The following ZDHHC14 variants were observed in gnomAD, a reference collection of about 807,000 sequenced individuals.
ZDHHC14 encodes palmitoyltransferase ZDHHC14.
In ZDHHC14, 16 loss-of-function variants were observed where a neutral mutation model predicts 47.7. That is an observed-to-expected ratio of 0.34 (90% confidence interval 0.23 to 0.51). The LOEUF (loss-of-function observed/expected upper bound fraction) is 0.51. Among genes scored for constraint, ZDHHC14 ranks in the 20% least tolerant of loss-of-function variants. The probability of loss-of-function intolerance (pLI) is 0.97; values close to 1 mark genes in which losing one functional copy is unlikely to be tolerated. For missense variants in ZDHHC14, 515 were observed against 662.5 expected (o/e 0.78, Z 2.44); for synonymous variants, 293 against 278.9 (o/e 1.05, Z -0.50).
intron 1 of ZDHHC14, among the ~76,000 whole-genome samples, chr6:157,488,529 C>T (rs150575786): frequency 0.035 from 5,263 of 152,278 alleles, 147 homozygotes; most frequent in Non-Finnish European, 0.055. Flanking sequence ...AGAGCATACC[C>T]TTTTTAGGGG....
At chr6:157,399,748 C>T (rs1777593012) in intron 1 of ZDHHC14, among the ~76,000 whole-genome samples, 4 of 152,252 alleles carry the variant, frequency 2.6e-5, no homozygotes, top group Admixed American at 2.6e-4. Flanking sequence ...CGTGATCTCA[C>T]CATTCTCCAT....
At chr6:157,521,649 G>T (rs1191422993) in intron 1 of ZDHHC14, among the ~76,000 whole-genome samples, 4 of 152,234 alleles carry the variant, frequency 2.6e-5, no homozygotes, top group Non-Finnish European at 5.9e-5. Flanking sequence ...TGAAGGTTCT[G>T]CTTCCTAATG....
chr6:157,478,741 T>A (rs1779548504), intron 1 of ZDHHC14, among the ~76,000 whole-genome samples: 1 of 152,250 alleles, frequency 6.6e-6, no homozygotes, highest in Non-Finnish European at 1.5e-5. Flanking sequence ...CATCTTTATA[T>A]CCCTAACACT....
At chr6:157,549,059 G>A (rs1201409323) in intron 2 of ZDHHC14, among the ~76,000 whole-genome samples, 3 of 152,210 alleles carry the variant, frequency 2.0e-5, no homozygotes, top group Non-Finnish European at 4.4e-5. Flanking sequence ...GGCCAGAGCT[G>A]GGAGTCCAAC....
At chr6:157,506,632 C>T (rs1338042116) in intron 1 of ZDHHC14, among the ~76,000 whole-genome samples, 2 of 152,188 alleles carry the variant, frequency 1.3e-5, no homozygotes, top group African/African-American at 2.4e-5. Flanking sequence ...TATTAATTTG[C>T]TTCTGCTGTT....
chr6:157,389,976 A>T (rs189545968), intron 1 of ZDHHC14, among the ~76,000 whole-genome samples: 54 of 152,244 alleles, frequency 3.5e-4, no homozygotes, highest in African/African-American at 1.2e-3. Context: ...TTTTAAATGG[A>T]CTTTTATATT....
intron 5 of ZDHHC14, among the ~76,000 whole-genome samples, chr6:157,635,326 C>T (rs1330924697): frequency 6.6e-6 from 1 of 152,184 alleles, no homozygotes; most frequent in Admixed American, 6.5e-5. Flanking sequence ...CCTGACAGAC[C>T]TCCCAAGTCA....
At chr6:157,554,379 AG>A (rs1400154548) in intron 2 of ZDHHC14, among the ~76,000 whole-genome samples, 11 of 152,282 alleles carry the variant, frequency 7.2e-5, no homozygotes, top group Non-Finnish European at 1.6e-4. Flanking sequence ...GAGTTCTAGC[AG>A]TGACATTTAA....
chr6:157,519,677 C>A (rs1780844533), intron 1 of ZDHHC14, among the ~76,000 whole-genome samples: 1 of 152,212 alleles, frequency 6.6e-6, no homozygotes, highest in Non-Finnish European at 1.5e-5. Context: ...CCCTCAAGAG[C>A]TGTGTGGTCC....
At chr6:157,579,458 A>C (rs1197476290) in intron 2 of ZDHHC14, among the ~76,000 whole-genome samples, 2 of 151,958 alleles carry the variant, frequency 1.3e-5, no homozygotes, top group Non-Finnish European at 2.9e-5. Context: ...CAGCCTCCCA[A>C]AGTGCTGGGA....
intron 1 of ZDHHC14, among the ~76,000 whole-genome samples, chr6:157,501,526 C>G (rs955489927): frequency 6.6e-6 from 1 of 152,164 alleles, no homozygotes; most frequent in Non-Finnish European, 1.5e-5. Flanking sequence ...GAAATTTAAG[C>G]CTTGACATTA....
chr6:157,456,611 C>G (rs549198770), intron 1 of ZDHHC14, among the ~76,000 whole-genome samples: 1 of 152,306 alleles, frequency 6.6e-6, no homozygotes, highest in Admixed American at 6.5e-5. Context: ...GCAGTACGAG[C>G]TGCTTCAGAG....
At chr6:157,649,255 G>T (rs898467005) in intron 7 of ZDHHC14, among the ~76,000 whole-genome samples, 1 of 152,208 alleles carries the variant, frequency 6.6e-6, no homozygotes, top group Non-Finnish European at 1.5e-5. Context: ...GACTTGAAGC[G>T]GTGTGGGGCA....
intron 2 of ZDHHC14, among the ~76,000 whole-genome samples, chr6:157,564,513 A>G (rs1339676788): frequency 6.6e-6 from 1 of 152,270 alleles, no homozygotes; most frequent in Non-Finnish European, 1.5e-5. Context: ...ACTCAGTTCA[A>G]CCCAATACAT....
intron 1 of ZDHHC14, among the ~76,000 whole-genome samples, chr6:157,396,799 T>C (rs953429684): frequency 6.6e-6 from 1 of 152,254 alleles, no homozygotes; most frequent in Non-Finnish European, 1.5e-5. Context: ...ATAACATTAT[T>C]ACTTAGGATT....
intron 1 of ZDHHC14, among the ~76,000 whole-genome samples, chr6:157,488,321 G>A (rs574558521): frequency 1.1e-4 from 16 of 152,302 alleles, no homozygotes; most frequent in South Asian, 4.1e-4. Flanking sequence ...CCACGGAGCC[G>A]GGTTTCTCCC....
chr6:157,639,192 G>A (rs1017953618), intron 5 of ZDHHC14, among the ~76,000 whole-genome samples: 1 of 152,244 alleles, frequency 6.6e-6, no homozygotes, highest in Non-Finnish European at 1.5e-5. Flanking sequence ...GGTGGGGGCA[G>A]GCTTGACAAT....
intron 1 of ZDHHC14, among the ~76,000 whole-genome samples, chr6:157,448,470 C>A (rs899292553): frequency 1.3e-5 from 2 of 152,174 alleles, no homozygotes; most frequent in East Asian, 3.8e-4. Flanking sequence ...AATATTTTTT[C>A]AGTCTAAAAT....
intron 1 of ZDHHC14, among the ~76,000 whole-genome samples, chr6:157,437,649 G>A (rs147315945): frequency 2.6e-5 from 4 of 152,258 alleles, no homozygotes; most frequent in East Asian, 1.9e-4. Flanking sequence ...CTCGTAAAAC[G>A]ACCTTTCCTG....
Sources: gnomAD v4.1 joint callset for allele counts (sites outside exome capture counted in the v4.1 genomes callset) on GRCh38, gnomAD v4.1.1 for gene constraint, MANE v1.5 for transcripts, NCBI Gene and HGNC (gene_info 2026-07-23, HGNC 2026-07-21) for gene names.